FCHSD2: variants seen among roughly 807,000 people sequenced by gnomAD.
FCHSD2 encodes F-BAR and double SH3 domains protein 2.
In FCHSD2, 38 loss-of-function variants were observed where a neutral mutation model predicts 108.1. The observed-to-expected ratio is 0.35, with a 90% CI of 0.27 to 0.46. The LOEUF is 0.46. Among genes scored for constraint, FCHSD2 ranks in the 20% least tolerant of loss-of-function variants. The probability of loss-of-function intolerance (pLI) is 1.00; values close to 1 mark genes in which losing one functional copy is unlikely to be tolerated. For missense variants in FCHSD2, 751 were observed against 897.8 expected, an observed-to-expected ratio of 0.84 and a Z score of 2.09; for synonymous variants, 279 against 314.7, an observed-to-expected ratio of 0.89 and a Z score of 1.20.
chr11:72,921,553 T>A (rs1855976417), intron 9 of FCHSD2, among the ~76,000 whole-genome samples: 2 of 152,246 alleles, frequency 1.3e-5, no homozygotes, highest in South Asian at 4.1e-4. Flanking sequence ...TACAAAACTG[T>A]TTAAACCCTT....
At chr11:73,104,510 T>C (rs1213538797) in intron 2 of FCHSD2, among the ~76,000 whole-genome samples, 1 of 151,984 alleles carries the variant, frequency 6.6e-6, no homozygotes, top group Non-Finnish European at 1.5e-5. Context: ...CCTCAAGTGA[T>C]CCAGCCTCCC....
intron 14 of FCHSD2, among the ~76,000 whole-genome samples, chr11:72,847,909 T>A (rs1041165713): frequency 2.6e-5 from 4 of 152,204 alleles, no homozygotes; most frequent in East Asian, 1.9e-4. Context: ...GTTGGGCCAG[T>A]CTTGAACTCC....
intron 11 of FCHSD2, among the ~76,000 whole-genome samples, chr11:72,889,484 T>C (rs530865223): frequency 6.6e-6 from 1 of 151,990 alleles, no homozygotes; most frequent in Non-Finnish European, 1.5e-5. Flanking sequence ...AAAAAACACA[T>C]ATAATGCTTG....
rs1258968224 is a variant in FCHSD2 at position 73,101,210 on chromosome 11, T to C, written c.120-17470A>G. The stretch of plus-strand genomic sequence containing the variant: ...GACATTTATTCATAAAAAGGCCACA[T>C]AAAATAGCAGATAAATGCCATCTCA... On this transcript the variant is annotated intron_variant, in intron 2 of 19. Coordinates refer to ENST00000409418, the MANE Select transcript of FCHSD2 (RefSeq NM_014824.3). Among the ~76,000 whole-genome samples the C allele has an allele frequency of 3.3e-5, 5 of 152,156 alleles. No homozygotes were observed. The East Asian group carries it at 9.6e-4, about 29-fold the overall frequency.
intron 2 of FCHSD2, among the ~76,000 whole-genome samples, chr11:73,092,190 C>T (rs1053071958): frequency 2.0e-5 from 3 of 152,066 alleles, no homozygotes; most frequent in East Asian, 1.9e-4. Context: ...TACATTGGTG[C>T]GATCATAGCT....
intron 9 of FCHSD2, among the ~76,000 whole-genome samples, chr11:72,903,183 G>A (rs1413624246): frequency 6.9e-6 from 1 of 145,784 alleles, no homozygotes; most frequent in African/African-American, 2.6e-5. Context: ...GGCTAGAAAG[G>A]AATTTATTTA....
chr11:73,036,230 T>C (rs1452042915), intron 3 of FCHSD2, among the ~76,000 whole-genome samples: 2 of 151,476 alleles, frequency 1.3e-5, no homozygotes, highest in Non-Finnish European at 2.9e-5. Context: ...AAGAAAAATA[T>C]ACAATTAGAA....
chr11:73,038,202 C>A (rs1858545715), intron 3 of FCHSD2, among the ~76,000 whole-genome samples: 1 of 151,858 alleles, frequency 6.6e-6, no homozygotes, highest in African/African-American at 2.4e-5. Context: ...ATTAACTGGG[C>A]GTGGTAGTGC....
At chr11:73,040,326 GTTTTGTT>G (rs1281924663) in intron 3 of FCHSD2, among the ~76,000 whole-genome samples, 2 of 152,110 alleles carry the variant, frequency 1.3e-5, no homozygotes, top group Admixed American at 6.6e-5. Flanking sequence ...AAAGAGGGGT[GTTTTGTT>G]TTTTGTTTTT....
At chr11:72,898,941 C>T (rs917214179) in intron 10 of FCHSD2, among the ~76,000 whole-genome samples, 4 of 151,702 alleles carry the variant, frequency 2.6e-5, no homozygotes, top group African/African-American at 7.3e-5. Context: ...GAAAGGGTTT[C>T]GCCGTGTTGC....
chr11:72,848,528 C>A (rs1861205622), intron 14 of FCHSD2, among the ~76,000 whole-genome samples: 1 of 152,148 alleles, frequency 6.6e-6, no homozygotes, highest in South Asian at 2.1e-4. Context: ...GTTCTATTTT[C>A]CAGTTTAATA....
chr11:72,872,233 A>G (rs1336917947), intron 12 of FCHSD2, among the ~76,000 whole-genome samples: 3 of 150,500 alleles, frequency 2.0e-5, no homozygotes, highest in African/African-American at 7.3e-5. Flanking sequence ...AACTTTATTG[A>G]CATATAGCTC....
chr11:72,935,405 T>A (rs1359221072), intron 8 of FCHSD2, among the ~76,000 whole-genome samples: 1 of 152,178 alleles, frequency 6.6e-6, no homozygotes, highest in Non-Finnish European at 1.5e-5. Flanking sequence ...AACAAACTCT[T>A]CTTTTCTGAG....
chr11:73,018,070 T>C (rs1591485842), intron 3 of FCHSD2, among the ~76,000 whole-genome samples: 1 of 152,182 alleles, frequency 6.6e-6, no homozygotes, highest in Non-Finnish European at 1.5e-5. Flanking sequence ...TATGAACTCA[T>C]GTATTTTAAA....
At chr11:73,100,784 C>G (rs148713592) in intron 2 of FCHSD2, among the ~76,000 whole-genome samples, 5 of 152,132 alleles carry the variant, frequency 3.3e-5, no homozygotes, top group African/African-American at 4.8e-5. Context: ...GGGTAGCTGA[C>G]TCTAAATCTG....
intron 8 of FCHSD2, among the ~76,000 whole-genome samples, chr11:72,952,325 C>T (rs1856634464): frequency 6.6e-6 from 1 of 151,558 alleles, no homozygotes; most frequent in African/African-American, 2.4e-5. Flanking sequence ...CCAAGTTTGA[C>T]TATCTTTTTT....
At chr11:72,873,629 G>A (rs977790677) in intron 12 of FCHSD2, among the ~76,000 whole-genome samples, 27 of 151,982 alleles carry the variant, frequency 1.8e-4, no homozygotes, top group African/African-American at 6.5e-4. Flanking sequence ...TTAGGCTTTG[G>A]TGTTATATCT....
chr11:73,108,683 C>T (rs1860406738), intron 2 of FCHSD2, among the ~76,000 whole-genome samples: 1 of 152,176 alleles, frequency 6.6e-6, no homozygotes, highest in Admixed American at 6.5e-5. Flanking sequence ...ATTCTCCTGC[C>T]TCAGCCTCCC....
intron 5 of FCHSD2, among the ~76,000 whole-genome samples, chr11:72,999,463 G>T (rs571799573): frequency 1.3e-5 from 2 of 151,856 alleles, no homozygotes; most frequent in African/African-American, 4.8e-5. Flanking sequence ...GGAACTACAG[G>T]TGCACGCCAC....
Sources: allele counts gnomAD v4.1 joint callset (sites outside exome capture counted in the v4.1 genomes callset), GRCh38; gene constraint gnomAD v4.1.1; transcripts MANE v1.5; gene names NCBI Gene and HGNC (gene_info 2026-07-23, HGNC 2026-07-21).